Variants in VPS13C observed in about 807,000 individuals in gnomAD.
VPS13C encodes the protein vacuolar protein sorting 13 homolog C.
VPS13C carries 358 observed loss-of-function variants against 456.8 expected under a neutral mutation model. That is an observed-to-expected ratio of 0.78 (90% CI 0.72 to 0.86). The LOEUF (loss-of-function observed/expected upper bound fraction) is 0.86, where lower values mean the gene tolerates loss of function less well. Ranked by LOEUF, VPS13C falls within the 40% of genes least tolerant of loss-of-function variation. The pLI, the probability that VPS13C is intolerant of heterozygous loss-of-function variation, is 0.00. For synonymous variants in VPS13C, 1,578 were observed against 1,486.7 expected (o/e 1.06, Z -1.41); for missense variants, 4,818 against 4,385.4 (o/e 1.10, Z -2.79).
chr15:61,921,405 TCAAAAAACAA>T (rs1440605573), intron 55 of VPS13C, among the ~76,000 whole-genome samples: 1 of 152,056 alleles, frequency 6.6e-6, no homozygotes, highest in East Asian at 1.9e-4. Flanking sequence ...TGAGGTGTTC[TCAAAAAACAA>T]CATAAAAAGA....
chr15:61,972,759 C>T lies in VPS13C; in HGVS notation c.2623G>A (p.Asp875Asn), dbSNP rs2045593910. ...TCTTCAGCATCAAAATACTCATCAT[C>T]AGACTCTAAAGGAAAAAGACATTTA... ...LLLDTVESES[D>N]DEYFDAEDGE... Residue 875 changes from aspartate to asparagine, a missense_variant, in exon 27 of 85, where the codon GAT (aspartate) becomes AAT (asparagine). This residue lies in a region of VPS13C where 4,552 missense variants were observed against 4,130.6 expected (regional missense o/e 1.10). Coordinates refer to ENST00000644861, the MANE Select transcript of VPS13C (RefSeq NM_020821.3). The T allele has an allele frequency of 6.2e-7, 1 of 1,609,132 alleles. No homozygotes were observed. The highest frequency in any genetic ancestry group is 2.2e-5 in the East Asian group (1 of 44,814).
intron 36 of VPS13C, 82 bp downstream of exon 36, chr15:61,959,365 CT>C (rs748093876): frequency 2.1e-5 from 27 of 1,283,118 alleles, no homozygotes; most frequent in Non-Finnish European, 2.6e-5. Context: ...GCAAAAGAGT[CT>C]ACATTTCATT....
At chr15:61,859,682 T>C (rs1211072700) in intron 82 of VPS13C, among the ~76,000 whole-genome samples, 1 of 152,208 alleles carries the variant, frequency 6.6e-6, no homozygotes, top group African/African-American at 2.4e-5. Context: ...ACCAAGAGTT[T>C]TCCCTATGTC....
At chr15:61,986,523 C>T (rs2046060716) in intron 18 of VPS13C, among the ~76,000 whole-genome samples, 1 of 151,994 alleles carries the variant, frequency 6.6e-6, no homozygotes, top group South Asian at 2.1e-4. Flanking sequence ...AAAGATCCCA[C>T]TATGTACATT....
chr15:61,983,818 A>G lies in VPS13C; in HGVS notation c.1914+2T>C, dbSNP rs775829630. 1.2e-6 allele frequency: 2 copies of G among 1,613,122 alleles called. No individual in the cohort carries two copies. The highest frequency in any genetic ancestry group is 1.7e-6 in the Non-Finnish European group (2 of 1,179,774). On this transcript the variant is annotated splice_donor_variant, in intron 20 of 84. Transcript: ENST00000644861. LOFTEE classifies it high-confidence loss of function. ...AAAGAGTTACTTTCTCCTTGCACTT[A>G]CAGCATCATAGATGACCTCCACAGG...
intron 6 of VPS13C, among the ~76,000 whole-genome samples, chr15:62,027,053 GC>G (rs898494876): frequency 2.0e-5 from 3 of 151,092 alleles, no homozygotes; most frequent in Non-Finnish European, 4.4e-5. Context: ...GAGAACCACT[GC>G]TTTAGAATAA....
At chr15:61,943,573 A>G (rs1437510589) in intron 45 of VPS13C, among the ~76,000 whole-genome samples, 1 of 152,228 alleles carries the variant, frequency 6.6e-6, no homozygotes, top group Admixed American at 6.5e-5. Context: ...CATATGCAAA[A>G]GAATGAAACA....
chr15:62,059,653 T>C (rs1042639336), intron 1 of VPS13C, among the ~76,000 whole-genome samples: 3 of 152,198 alleles, frequency 2.0e-5, no homozygotes, highest in African/African-American at 7.2e-5. Flanking sequence ...CCTCTTCGTA[T>C]TGACGGAAAA....
intron 15 of VPS13C, among the ~76,000 whole-genome samples, chr15:62,002,996 A>G (rs9920135): frequency 0.19 from 28,900 of 151,720 alleles, 3,882 homozygotes; most frequent in African/African-American, 0.38. Context: ...TTGACTTGGC[A>G]ATGCGGGCTC....
In VPS13C at chr15:61,982,586, T is replaced by G; in HGVS notation, c.1915-13A>C. On this transcript the variant is annotated splice_polypyrimidine_tract_variant and intron_variant, in intron 20 of 84. Transcript: ENST00000644861. ...CATTGACAGTTTTCTATAAGAAAATTTTTTTAACATAACCAAGTTACACAT... is the reference window on the plus strand; with the variant it reads ...CATTGACAGTTTTCTATAAGAAAATGTTTTTAACATAACCAAGTTACACAT... 2 of 1,581,432 alleles carry G rather than the reference T, an allele frequency of 1.3e-6. No individual in the cohort carries two copies. Among genetic ancestry groups the G allele is most frequent in the East Asian group, 2.2e-5 (1 of 44,564 alleles).
At chr15:61,997,289 T>G (rs2046420311) in intron 16 of VPS13C, among the ~76,000 whole-genome samples, 1 of 152,126 alleles carries the variant, frequency 6.6e-6, no homozygotes, top group African/African-American at 2.4e-5. Context: ...CCCTTTATGG[T>G]CACCTTTGCT....
At chr15:62,023,599 A>C in intron 7 of VPS13C, 79 bp from the exon 8 acceptor site, 1 of 1,190,210 alleles carries the variant, frequency 8.4e-7, no homozygotes. Context: ...AGGATAGCTA[A>C]GGTACTACTC....
intron 80 of VPS13C, 68 bp downstream of exon 80, chr15:61,869,432 T>G (rs1894849609): frequency 6.5e-7 from 1 of 1,544,904 alleles, no homozygotes; most frequent in African/African-American, 1.4e-5. Flanking sequence ...TAATCTAATC[T>G]ATTTATGTAT....
rs60677396 is a variant in VPS13C, at chr15:62,033,686, A to T, written c.284-144T>A. On this transcript the variant is annotated intron_variant, in intron 4 of 84. Coordinates refer to ENST00000644861, the MANE Select transcript of VPS13C (RefSeq NM_020821.3). ...TTTCACATTTTTAGTTTTACGAAAC[A>T]TTTAAACATAAATTATTCCTATTCA... is the stretch of plus-strand genomic sequence containing the variant. 1.9e-3 allele frequency: 909 copies of T among 469,466 alleles called. 10 individuals carry two copies. The highest frequency in any genetic ancestry group is 0.017 in the African/African-American group (844 of 49,288). 29.1% of individuals were successfully genotyped at this position (469,466 alleles called of 1,614,324 possible). A position where few individuals can be genotyped will look rare whatever the true frequency, so the allele number is the denominator to read the frequency against.
intron 66 of VPS13C, among the ~76,000 whole-genome samples, chr15:61,902,047 G>A (rs933369859): frequency 6.8e-6 from 1 of 148,040 alleles, no homozygotes; most frequent in African/African-American, 2.5e-5. Flanking sequence ...TCACTCATAG[G>A]TGGGAACTGA....
At chr15:61,931,579 CTT>C (rs375639929) in intron 49 of VPS13C, among the ~76,000 whole-genome samples, 17 of 137,954 alleles carry the variant, frequency 1.2e-4, no homozygotes, top group Admixed American at 1.5e-4. Flanking sequence ...TAAATTTTTT[CTT>C]TTTTTTTTTT....
chr15:61,912,000 C>A lies in VPS13C; in HGVS notation c.8555G>T (p.Gly2852Val). ...CPANNMEYLVGVSIKMSSFNL... is the reference protein window; with the variant it reads ...CPANNMEYLVVVSIKMSSFNL... Reference sequence around the variant, plus strand: ...GAAACTGCTCATTTTGATGCTAACACCAACCTGTGGAAAGGAAAAAAGCTT... The same window carrying A: ...GAAACTGCTCATTTTGATGCTAACAACAACCTGTGGAAAGGAAAAAAGCTT... Residue 2852 changes from glycine (G) to valine (V), a missense_variant, in exon 63 of 85, where the codon GGT becomes GTT. Gly to Val is a moderately radical substitution (Grantham distance 109). Coordinates refer to ENST00000644861, the MANE Select transcript of VPS13C (RefSeq NM_020821.3). 1.3e-6 allele frequency: 2 copies of A among 1,588,412 alleles called. No individual in the cohort carries two copies. Among genetic ancestry groups the A allele is most frequent in the Admixed American group, 1.7e-5 (1 of 57,860 alleles).
intron 15 of VPS13C, among the ~76,000 whole-genome samples, chr15:62,002,978 G>C (rs1316765994): frequency 6.6e-6 from 1 of 152,076 alleles, no homozygotes; most frequent in Non-Finnish European, 1.5e-5. Flanking sequence ...TGTTCTTTTG[G>C]CTCAGGATTG....
At chr15:62,009,153 A>G (rs1349723582) in intron 13 of VPS13C, among the ~76,000 whole-genome samples, 1 of 152,202 alleles carries the variant, frequency 6.6e-6, no homozygotes, top group Non-Finnish European at 1.5e-5. Flanking sequence ...TTCTAAGACT[A>G]TATATTTTTC....
Sources: gnomAD v4.1 joint callset for allele counts (sites outside exome capture counted in the v4.1 genomes callset) on GRCh38, gnomAD v4.1.1 for gene constraint, gnomAD v4.1.1 regional missense constraint, MANE v1.5 for transcripts, NCBI Gene and HGNC (gene_info 2026-07-23, HGNC 2026-07-21) for gene names.